The following PCED1B variants were observed in gnomAD, a reference collection of about 807,000 sequenced individuals.
The protein encoded by PCED1B is PC-esterase domain containing 1B, also known as PC-esterase domain-containing protein 1B.
For missense variants in PCED1B, 573 were observed against 573.9 expected (o/e 1.00, Z 0.02); for synonymous variants, 251 against 246.1 (o/e 1.02, Z -0.19).
chr12:47,141,531 A>G (rs1324757152), intron 2 of PCED1B, among the ~76,000 whole-genome samples: 1 of 151,840 alleles, frequency 6.6e-6, no homozygotes, highest in Non-Finnish European at 1.5e-5. Flanking sequence ...GCTGACCACA[A>G]TCCTGGCTGT....
intron 2 of PCED1B, among the ~76,000 whole-genome samples, chr12:47,160,293 C>CTTTTTTTTTTTTTTTTT (rs59856338): frequency 2.5e-4 from 17 of 69,234 alleles, no homozygotes; most frequent in African/African-American, 3.7e-4. Flanking sequence ...TTTTCTTTTT[C>CTTTTTTTTTTTTTTTTT]TTTTTTTTTT....
At chr12:47,188,529 G>A (rs966144620) in intron 2 of PCED1B, among the ~76,000 whole-genome samples, 6 of 152,196 alleles carry the variant, frequency 3.9e-5, no homozygotes, top group African/African-American at 1.4e-4. Flanking sequence ...GAAATTGAAA[G>A]GATTTGAGCC....
At chr12:47,139,816 T>C (rs1265749966) in intron 2 of PCED1B, among the ~76,000 whole-genome samples, 1 of 152,136 alleles carries the variant, frequency 6.6e-6, no homozygotes, top group Non-Finnish European at 1.5e-5. Context: ...GGCATGTGTA[T>C]AGCGTATTTT....
intron 2 of PCED1B, chr12:47,138,290 G>T (rs1940465345): frequency 6.6e-6 from 1 of 152,258 alleles, no homozygotes; most frequent in African/African-American, 2.4e-5. Flanking sequence ...TTTCTGAGAT[G>T]CTGGTAGGTT....
intron 2 of PCED1B, among the ~76,000 whole-genome samples, chr12:47,194,011 G>C (rs1407522446): frequency 1.3e-5 from 2 of 152,136 alleles, no homozygotes; most frequent in Admixed American, 6.5e-5. Context: ...TGCTCTTGCT[G>C]TGCTTTTGCT....
At chr12:47,205,995 G>C (rs1402408746) in intron 2 of PCED1B, 1 of 152,244 alleles carries the variant, frequency 6.6e-6, no homozygotes, top group Non-Finnish European at 1.5e-5. Context: ...GGGGAAGCCA[G>C]TGAGCCAGGA....
chr12:47,080,185 A>AC (rs1941958609), intron 1 of PCED1B, among the ~76,000 whole-genome samples: 1 of 151,888 alleles, frequency 6.6e-6, no homozygotes, highest in Non-Finnish European at 1.5e-5. Flanking sequence ...TTGAGTCAAG[A>AC]TGCCCAACCC....
chr12:47,207,984 G>A (rs147394817), intron 2 of PCED1B, among the ~76,000 whole-genome samples: 145 of 151,978 alleles, frequency 9.5e-4, no homozygotes, highest in African/African-American at 3.4e-3. Context: ...TTTCTCCCTC[G>A]AACTTTGTGG....
At chr12:47,211,785 CA>C (rs1943092299) in intron 2 of PCED1B, among the ~76,000 whole-genome samples, 1 of 151,390 alleles carries the variant, frequency 6.6e-6, no homozygotes. Flanking sequence ...AGGTAAAACC[CA>C]ATCTCTCGGC....
intron 2 of PCED1B, among the ~76,000 whole-genome samples, chr12:47,178,172 C>T (rs1223680663): frequency 6.6e-6 from 1 of 152,208 alleles, no homozygotes; most frequent in African/African-American, 2.4e-5. Flanking sequence ...CCACACCACA[C>T]TCATACCCTG....
chr12:47,081,000 A>G (rs567279540), intron 1 of PCED1B, among the ~76,000 whole-genome samples: 121 of 152,316 alleles, frequency 7.9e-4, no homozygotes, highest in African/African-American at 2.9e-3. Context: ...CAGCAAGCAC[A>G]GAAGGTGCAA....
intron 3 of PCED1B, among the ~76,000 whole-genome samples, chr12:47,232,489 C>T (rs984792732): frequency 3.3e-5 from 5 of 152,054 alleles, no homozygotes; most frequent in Non-Finnish European, 5.9e-5. Context: ...AATAGCTATC[C>T]ACCCATACCT....
At chr12:47,091,633 A>G (rs1938269974) in intron 1 of PCED1B, among the ~76,000 whole-genome samples, 1 of 152,140 alleles carries the variant, frequency 6.6e-6, no homozygotes, top group South Asian at 2.1e-4. Flanking sequence ...GCTGACTCCA[A>G]GGTCATGAAG....
At chr12:47,178,095 G>C (rs1329692721) in intron 2 of PCED1B, among the ~76,000 whole-genome samples, 1 of 152,104 alleles carries the variant, frequency 6.6e-6, no homozygotes, top group Non-Finnish European at 1.5e-5. Context: ...TCTGCTTAAG[G>C]GCCCACATGA....
intron 1 of PCED1B, among the ~76,000 whole-genome samples, chr12:47,087,263 G>A (rs1938033267): frequency 6.6e-6 from 1 of 152,144 alleles, no homozygotes; most frequent in Admixed American, 6.5e-5. Flanking sequence ...CATATACCAG[G>A]CTTCTCATTT....
intron 2 of PCED1B, chr12:47,209,146 T>G (rs1349139887): frequency 6.6e-6 from 1 of 152,432 alleles, no homozygotes; most frequent in Non-Finnish European, 1.5e-5. Flanking sequence ...CCGGCTTCAC[T>G]GCTTAGTGTC....
chr12:47,193,252 C>T (rs1297477987), intron 2 of PCED1B, among the ~76,000 whole-genome samples: 1 of 152,216 alleles, frequency 6.6e-6, no homozygotes, highest in Non-Finnish European at 1.5e-5. Context: ...CAGGTTCACA[C>T]AGGAAGTACA....
At chr12:47,094,600 C>T (rs1326901809) in intron 1 of PCED1B, among the ~76,000 whole-genome samples, 1 of 151,872 alleles carries the variant, frequency 6.6e-6, no homozygotes, top group Non-Finnish European at 1.5e-5. Flanking sequence ...AGTAACTATC[C>T]TAGAGATTGC....
chr12:47,190,408 T>G (rs1413467003), intron 2 of PCED1B, among the ~76,000 whole-genome samples: 1 of 152,188 alleles, frequency 6.6e-6, no homozygotes, highest in Non-Finnish European at 1.5e-5. Flanking sequence ...ACCCATGCAT[T>G]CACTTTGGTC....
Sources: allele counts gnomAD v4.1 joint callset (sites outside exome capture counted in the v4.1 genomes callset), GRCh38; gene constraint gnomAD v4.1.1; transcripts MANE v1.5; gene names NCBI Gene and HGNC (gene_info 2026-07-23, HGNC 2026-07-21).